The following ADCY2 variants were observed in gnomAD, a reference collection of about 807,000 sequenced individuals.
The protein encoded by ADCY2 is adenylate cyclase type 2.
ADCY2 carries 31 observed loss-of-function variants against 125.2 expected under a neutral mutation model. The ratio of observed to expected loss-of-function variants is 0.25; its 90% CI spans 0.19 to 0.33. The LOEUF is 0.33. Among genes scored for constraint, ADCY2 ranks in the 10% least tolerant of loss-of-function variants. The pLI is 1.00. For missense variants in ADCY2, 904 were observed against 1,418.2 expected (o/e 0.64, Z 5.82); for synonymous variants, 512 against 548.4 (o/e 0.93, Z 0.93).
chr5:7,646,592 G>A (rs529881597), intron 4 of ADCY2, among the ~76,000 whole-genome samples: 2 of 152,244 alleles, frequency 1.3e-5, no homozygotes, highest in Non-Finnish European at 2.9e-5. Flanking sequence ...AGTACTCTGA[G>A]CCTTCACTAT....
At chr5:7,405,622 G>C (rs1229198324) in intron 1 of ADCY2, among the ~76,000 whole-genome samples, 1 of 152,156 alleles carries the variant, frequency 6.6e-6, no homozygotes, top group East Asian at 1.9e-4. Context: ...CCAAGTCTTT[G>C]TTCAAGTTAT....
intron 2 of ADCY2, among the ~76,000 whole-genome samples, chr5:7,422,835 A>C (rs1740254298): frequency 6.6e-6 from 1 of 152,250 alleles, no homozygotes; most frequent in South Asian, 2.1e-4. Context: ...AAATGAAAGA[A>C]AATAAAGGCC....
At chr5:7,629,694 TAA>T (rs1326431821) in intron 4 of ADCY2, among the ~76,000 whole-genome samples, 2 of 152,224 alleles carry the variant, frequency 1.3e-5, no homozygotes, top group East Asian at 1.9e-4. Flanking sequence ...ACTTTTGTCT[TAA>T]GTTTCATATC....
chr5:7,712,216 T>C (rs557835797), intron 10 of ADCY2, among the ~76,000 whole-genome samples: 12 of 152,346 alleles, frequency 7.9e-5, no homozygotes, highest in South Asian at 4.1e-4. Flanking sequence ...TTATTTTCAT[T>C]CCCACTATAA....
chr5:7,422,964 A>G (rs1296850845), intron 2 of ADCY2, among the ~76,000 whole-genome samples: 1 of 152,228 alleles, frequency 6.6e-6, no homozygotes, highest in Non-Finnish European at 1.5e-5. Flanking sequence ...GAATGAAAGT[A>G]GAAAAATGCA....
chr5:7,517,119 A>G (rs998794958), intron 2 of ADCY2, among the ~76,000 whole-genome samples: 1 of 152,198 alleles, frequency 6.6e-6, no homozygotes, highest in Non-Finnish European at 1.5e-5. Context: ...ACGTAGGAAG[A>G]TAGGCATGTC....
intron 22 of ADCY2, among the ~76,000 whole-genome samples, chr5:7,811,742 C>T (rs1744950106): frequency 6.6e-6 from 1 of 152,114 alleles, no homozygotes; most frequent in Admixed American, 6.5e-5. Context: ...TCCCTCCTTC[C>T]CCCAAATCAG....
chr5:7,710,573 G>A (rs568590872), intron 10 of ADCY2, among the ~76,000 whole-genome samples: 1 of 152,160 alleles, frequency 6.6e-6, no homozygotes, highest in African/African-American at 2.4e-5. Flanking sequence ...AAAGTCAGTG[G>A]CGCAAAGATG....
intron 17 of ADCY2, among the ~76,000 whole-genome samples, chr5:7,771,585 A>T (rs1743559420): frequency 6.6e-6 from 1 of 152,004 alleles, no homozygotes; most frequent in South Asian, 2.1e-4. Context: ...GAGTGCCTCC[A>T]CTCAAGCATG....
chr5:7,562,067 C>T (rs12519622), intron 3 of ADCY2, among the ~76,000 whole-genome samples: 45,984 of 151,850 alleles, frequency 0.3, 8,161 homozygotes, highest in Non-Finnish European at 0.41. Context: ...TTGTTGATTC[C>T]ATGAATGGGT....
At chr5:7,673,269 A>AAATATATATATATAT (rs1554030659) in intron 4 of ADCY2, among the ~76,000 whole-genome samples, 1 of 3,932 alleles carries the variant, frequency 2.5e-4, no homozygotes, top group Non-Finnish European at 5.5e-4. Flanking sequence ...AAAAAAAAAA[A>AAATATATATATATAT]ATATATATAT....
chr5:7,545,722 C>T (rs1579558888), intron 3 of ADCY2, among the ~76,000 whole-genome samples: 1 of 152,296 alleles, frequency 6.6e-6, no homozygotes, highest in Non-Finnish European at 1.5e-5. Flanking sequence ...AGTGACATGG[C>T]AGTCCTTCAG....
intron 7 of ADCY2, among the ~76,000 whole-genome samples, chr5:7,700,308 G>A (rs1741036384): frequency 6.6e-6 from 1 of 152,030 alleles, no homozygotes; most frequent in Non-Finnish European, 1.5e-5. Context: ...AAAAATATAA[G>A]GTAAAAGGGT....
intron 1 of ADCY2, among the ~76,000 whole-genome samples, chr5:7,410,921 C>T (rs1739684051): frequency 6.6e-6 from 1 of 152,080 alleles, no homozygotes; most frequent in Admixed American, 6.5e-5. Flanking sequence ...CTTCCTTTCT[C>T]CATCTGCTGG....
chr5:7,541,445 C>G (rs1408285194), intron 3 of ADCY2, among the ~76,000 whole-genome samples: 1 of 152,184 alleles, frequency 6.6e-6, no homozygotes, highest in Admixed American at 6.5e-5. Flanking sequence ...AGGGGAATGT[C>G]AGAGGTAGAG....
At chr5:7,699,740 A>G (rs1741020042) in intron 7 of ADCY2, among the ~76,000 whole-genome samples, 1 of 152,040 alleles carries the variant, frequency 6.6e-6, no homozygotes, top group African/African-American at 2.4e-5. Context: ...GGCAAGCACC[A>G]CCACATCCAG....
chr5:7,707,611 G>A, intron 8 of ADCY2, 95 bp from the exon 9 acceptor site: 1 of 1,458,946 alleles, frequency 6.9e-7, no homozygotes, highest in Admixed American at 2.0e-5. Context: ...AAGAACTTTA[G>A]TGGATAAATT....
At chr5:7,675,521 A>G (rs1439679627) in intron 4 of ADCY2, among the ~76,000 whole-genome samples, 1 of 152,250 alleles carries the variant, frequency 6.6e-6, no homozygotes, top group East Asian at 1.9e-4. Flanking sequence ...AGAAGGATGC[A>G]TGTAGGCTTG....
Position 7,699,340 on chromosome 5 carries a change from G to A in ADCY2, c.1109+966G>A, listed in dbSNP as rs183660940. Among the ~76,000 whole-genome samples the A allele has an allele frequency of 6.1e-3, 928 of 151,204 alleles. 11 individuals are homozygous for A. The highest frequency in any genetic ancestry group is 0.021 in the African/African-American group (882 of 41,222). ...TCTCGATCTCCTGATCTCGTGATCC[G>A]CCCGCCTCGGCCTCCCAAAGTGCTG... is the stretch of plus-strand genomic sequence containing the variant. On this transcript the variant is annotated intron_variant, in intron 7 of 24. Transcript: ENST00000338316.
Sources: allele counts gnomAD v4.1 joint callset (sites outside exome capture counted in the v4.1 genomes callset), GRCh38; gene constraint gnomAD v4.1.1; transcripts MANE v1.5; gene names NCBI Gene and HGNC (gene_info 2026-07-23, HGNC 2026-07-21).